The following DLG2 variants were observed in gnomAD, a reference collection of about 807,000 sequenced individuals.
The protein encoded by DLG2 is disks large homolog 2.
Under a neutral mutation model 132.5 loss-of-function variants are expected in DLG2, and 45 were observed. The ratio of observed to expected loss-of-function variants is 0.34; its 90% CI spans 0.27 to 0.44. The LOEUF is 0.44. Ranked by LOEUF, DLG2 falls within the 20% of genes least tolerant of loss-of-function variation. The pLI is 1.00. For synonymous variants in DLG2, 424 were observed against 419.6 expected, an observed-to-expected ratio of 1.01 and a Z score of -0.13; for missense variants, 1,045 against 1,196.9, an observed-to-expected ratio of 0.87 and a Z score of 1.87.
chr11:84,655,394 T>C (rs977915488), intron 6 of DLG2, among the ~76,000 whole-genome samples: 3 of 152,190 alleles, frequency 2.0e-5, no homozygotes, highest in Admixed American at 6.5e-5. Flanking sequence ...ATGGCACAAA[T>C]AATCCTTAAT....
At chr11:85,506,512 C>T (rs1031847101) in intron 3 of DLG2, among the ~76,000 whole-genome samples, 4 of 151,878 alleles carry the variant, frequency 2.6e-5, no homozygotes, top group Non-Finnish European at 5.9e-5. Context: ...CAGTTTCTGC[C>T]TAGTTGTGTG....
At chr11:83,855,795 G>A (rs771609694) in intron 16 of DLG2, among the ~76,000 whole-genome samples, 18 of 151,826 alleles carry the variant, frequency 1.2e-4, no homozygotes, top group Non-Finnish European at 2.2e-4. Context: ...AGCCAAGACC[G>A]TGCCACTACA....
chr11:85,363,640 C>T (rs2084324537), intron 3 of DLG2, among the ~76,000 whole-genome samples: 1 of 152,158 alleles, frequency 6.6e-6, no homozygotes, highest in Non-Finnish European at 1.5e-5. Context: ...CCTGAAGGTT[C>T]ACTGTGAATG....
intron 3 of DLG2, among the ~76,000 whole-genome samples, chr11:85,385,416 C>A (rs1447940589): frequency 6.6e-6 from 1 of 152,072 alleles, no homozygotes; most frequent in Non-Finnish European, 1.5e-5. Flanking sequence ...GAAGTTATTT[C>A]TTCCCAAGTT....
intron 11 of DLG2, among the ~76,000 whole-genome samples, chr11:84,006,080 T>A (rs1471239175): frequency 6.6e-6 from 1 of 151,874 alleles, no homozygotes; most frequent in Non-Finnish European, 1.5e-5. Context: ...TCAATCTAAG[T>A]ATCCATCAAT....
At chr11:85,079,421 T>C (rs937077687) in intron 6 of DLG2, among the ~76,000 whole-genome samples, 3 of 151,852 alleles carry the variant, frequency 2.0e-5, no homozygotes, top group Non-Finnish European at 4.4e-5. Context: ...ATGTTTAAGG[T>C]TAACTTTGGA....
At chr11:84,373,270 C>A (rs7128780) in intron 7 of DLG2, among the ~76,000 whole-genome samples, 8,225 of 42,178 alleles carry the variant, frequency 0.2, 321 homozygotes, top group African/African-American at 0.27. Flanking sequence ...AAAAACAAAA[C>A]AAAAAAAAAA....
At chr11:84,744,191 C>A (rs1042995955) in intron 6 of DLG2, among the ~76,000 whole-genome samples, 1 of 152,012 alleles carries the variant, frequency 6.6e-6, no homozygotes, top group African/African-American at 2.4e-5. Flanking sequence ...AAGGACATAG[C>A]CCAGGGATCT....
intron 21 of DLG2, among the ~76,000 whole-genome samples, chr11:83,527,735 G>A (rs1028871143): frequency 5.9e-5 from 9 of 152,048 alleles, no homozygotes; most frequent in African/African-American, 1.2e-4. Flanking sequence ...CACATTGCAC[G>A]TTGCTGACAT....
At chr11:84,076,879 G>T (rs2096836982) in intron 10 of DLG2, among the ~76,000 whole-genome samples, 2 of 152,288 alleles carry the variant, frequency 1.3e-5, no homozygotes, top group Admixed American at 6.5e-5. Context: ...CATGTGATGT[G>T]AAGTCTCTCA....
intron 8 of DLG2, among the ~76,000 whole-genome samples, chr11:84,239,103 T>C (rs552063602): frequency 6.6e-6 from 1 of 152,304 alleles, no homozygotes; most frequent in South Asian, 2.1e-4. Flanking sequence ...CAATTGAGTG[T>C]AACATTGAAA....
intron 3 of DLG2, among the ~76,000 whole-genome samples, chr11:85,591,430 C>A (rs1042637478): frequency 2.0e-5 from 3 of 152,146 alleles, no homozygotes; most frequent in African/African-American, 7.2e-5. Flanking sequence ...TTCAACACTT[C>A]AAAATGTCAC....
chr11:83,887,972 G>A (rs1366032233), intron 15 of DLG2, among the ~76,000 whole-genome samples: 5 of 137,778 alleles, frequency 3.6e-5, no homozygotes, highest in African/African-American at 1.4e-4. Flanking sequence ...AGCTATCTAT[G>A]ACAAACCCAC....
At chr11:84,093,435 G>A (rs1250567439) in intron 10 of DLG2, among the ~76,000 whole-genome samples, 1 of 152,040 alleles carries the variant, frequency 6.6e-6, no homozygotes, top group African/African-American at 2.4e-5. Flanking sequence ...TTTAACTTCT[G>A]CCACCAGCCT....
chr11:84,881,633 TC>T (rs2087364437), intron 6 of DLG2, among the ~76,000 whole-genome samples: 1 of 152,060 alleles, frequency 6.6e-6, no homozygotes, highest in Non-Finnish European at 1.5e-5. Flanking sequence ...CCCATAGCTT[TC>T]CCCAGTCATT....
chr11:83,505,352 G>C (rs1296250307), intron 21 of DLG2, among the ~76,000 whole-genome samples: 9 of 152,312 alleles, frequency 5.9e-5, no homozygotes, highest in African/African-American at 2.2e-4. Flanking sequence ...CCATGTTGCT[G>C]AGCCCATGCA....
intron 14 of DLG2, among the ~76,000 whole-genome samples, chr11:83,957,656 T>G (rs1465927874): frequency 6.6e-6 from 1 of 152,020 alleles, no homozygotes; most frequent in East Asian, 1.9e-4. Context: ...CACTTTCTCA[T>G]TACCTGTGAA....
chr11:84,630,040 T>C (rs1326501540), intron 6 of DLG2, among the ~76,000 whole-genome samples: 1 of 152,160 alleles, frequency 6.6e-6, no homozygotes, highest in African/African-American at 2.4e-5. Context: ...TAGAGACACA[T>C]TCCAGATGTA....
chr11:84,229,322 C>A (rs1328304361), intron 8 of DLG2, among the ~76,000 whole-genome samples: 5 of 152,112 alleles, frequency 3.3e-5, no homozygotes, highest in Non-Finnish European at 7.4e-5. Context: ...CAAATTTTTT[C>A]CAGTATCATG....
Sources: allele counts gnomAD v4.1 joint callset (sites outside exome capture counted in the v4.1 genomes callset), GRCh38; gene constraint gnomAD v4.1.1; transcripts MANE v1.5; gene names NCBI Gene and HGNC (gene_info 2026-07-23, HGNC 2026-07-21).